Variants in LRP1B observed in about 807,000 individuals in gnomAD.
LRP1B encodes LDL receptor related protein 1B, also known as low-density lipoprotein receptor-related protein 1B.
LRP1B carries 217 observed loss-of-function variants against 556.6 expected under a neutral mutation model. The ratio of observed to expected loss-of-function variants is 0.39; its 90% CI spans 0.35 to 0.44. The LOEUF (loss-of-function observed/expected upper bound fraction) is 0.44, where lower values mean the gene tolerates loss of function less well. Ranked by LOEUF, LRP1B falls within the 20% of genes least tolerant of loss-of-function variation. The pLI is 1.00. For missense variants in LRP1B, 5,053 were observed against 5,620.8 expected, an observed-to-expected ratio of 0.90 and a Z score of 3.23; for synonymous variants, 2,047 against 1,865.8, an observed-to-expected ratio of 1.10 and a Z score of -2.50.
At position 141,339,215 on chromosome 2, in the gene LRP1B, T is replaced by A. The variant is rs1452411367; in HGVS notation, c.344-84574A>T. On this transcript the variant is annotated intron_variant, in intron 3 of 90. Coordinates refer to ENST00000389484, the MANE Select transcript of LRP1B (RefSeq NM_018557.3). ...TACTCTACATTTTATGTCTATAAAT[T>A]TTTTCCCTAATTAGATTATAAGTGA... 4.0e-5 allele frequency among the ~76,000 whole-genome samples: 6 copies of A among 151,642 alleles called. No homozygotes were observed. In the East Asian group the frequency reaches 9.6e-4, roughly 24 times the overall value.
chr2:141,382,322 T>C (rs1189984736), intron 3 of LRP1B, among the ~76,000 whole-genome samples: 1 of 152,210 alleles, frequency 6.6e-6, no homozygotes, highest in Non-Finnish European at 1.5e-5. Flanking sequence ...GACTCTGTGA[T>C]GGGCTTGCCA....
chr2:141,952,474 T>C (rs116825260), intron 1 of LRP1B, among the ~76,000 whole-genome samples: 1,837 of 152,212 alleles, frequency 0.012, 37 homozygotes, highest in African/African-American at 0.042. Flanking sequence ...TACTACAGTT[T>C]GTAGTGAAAC....
At chr2:141,731,039 A>C (rs573270654) in intron 2 of LRP1B, among the ~76,000 whole-genome samples, 1 of 152,146 alleles carries the variant, frequency 6.6e-6, no homozygotes, top group Non-Finnish European at 1.5e-5. Flanking sequence ...TGTGGGGAGA[A>C]ATGTGGTTGG....
chr2:141,662,510 A>G (rs1466282267), intron 2 of LRP1B, among the ~76,000 whole-genome samples: 2 of 152,202 alleles, frequency 1.3e-5, no homozygotes, highest in African/African-American at 4.8e-5. Flanking sequence ...TGGAAAGCAG[A>G]AAAAAGCACA....
At chr2:140,965,050 C>A (rs1363586592) in intron 18 of LRP1B, among the ~76,000 whole-genome samples, 1 of 152,136 alleles carries the variant, frequency 6.6e-6, no homozygotes, top group African/African-American at 2.4e-5. Context: ...CAATAACCAT[C>A]AGGATAAGGT....
chr2:140,829,036 G>A (rs1345901690), intron 31 of LRP1B, among the ~76,000 whole-genome samples: 1 of 151,708 alleles, frequency 6.6e-6, no homozygotes, highest in Non-Finnish European at 1.5e-5. Context: ...AGACAAAGAA[G>A]GTCAACATAT....
At chr2:140,517,249 A>T (rs1689946011) in intron 49 of LRP1B, among the ~76,000 whole-genome samples, 1 of 152,170 alleles carries the variant, frequency 6.6e-6, no homozygotes, top group African/African-American at 2.4e-5. Flanking sequence ...GAGTCCTAGA[A>T]CAGAAAGATT....
intron 7 of LRP1B, among the ~76,000 whole-genome samples, chr2:141,181,592 T>TCTTTCCCATCTTCTA (rs1680995879): frequency 6.6e-6 from 1 of 151,866 alleles, no homozygotes; most frequent in Non-Finnish European, 1.5e-5. Flanking sequence ...AGTAGAAATG[T>TCTTTCCCATCTTCTA]GGAACGTTTT....
chr2:140,970,712 ACCTTTTTTTTTTTTTTTTT>A (rs1383943414), intron 18 of LRP1B, among the ~76,000 whole-genome samples: 7,647 of 126,212 alleles, frequency 0.061, 1,073 homozygotes, highest in East Asian at 0.068. Context: ...TAATTTTTTA[ACCTTTTTTTTTTTTTTTTT>A]TTTTTTTTTT....
At chr2:140,528,146 G>A (rs114110242) in intron 47 of LRP1B, among the ~76,000 whole-genome samples, 1,738 of 151,984 alleles carry the variant, frequency 0.011, 13 homozygotes, top group Middle Eastern at 0.02. Context: ...CAAATGTAGG[G>A]AATGGCATTT....
chr2:140,627,664 C>T (rs1386002243), intron 41 of LRP1B, among the ~76,000 whole-genome samples: 5 of 152,178 alleles, frequency 3.3e-5, no homozygotes, highest in Non-Finnish European at 7.3e-5. Context: ...AAGTCCCTTT[C>T]ACATATACAG....
chr2:141,589,694 G>C (rs16846539), intron 2 of LRP1B, among the ~76,000 whole-genome samples: 11,842 of 152,204 alleles, frequency 0.078, 566 homozygotes, highest in South Asian at 0.19. Flanking sequence ...ATTTGATTGT[G>C]CCTCGAGTTT....
chr2:141,735,861 G>A (rs930636204), intron 2 of LRP1B, among the ~76,000 whole-genome samples: 11 of 152,090 alleles, frequency 7.2e-5, no homozygotes, highest in Non-Finnish European at 1.3e-4. Context: ...CTTAAACATA[G>A]GAGCTGTTTG....
At chr2:141,208,876 C>CAAAAAAAAAAAAAAAAA (rs57659094) in intron 6 of LRP1B, among the ~76,000 whole-genome samples, 1 of 65,462 alleles carries the variant, frequency 1.5e-5, no homozygotes, top group Non-Finnish European at 2.8e-5. Flanking sequence ...GATTCCGTCT[C>CAAAAAAAAAAAAAAAAA]AAAAAAAAAA....
intron 3 of LRP1B, among the ~76,000 whole-genome samples, chr2:141,400,249 C>T (rs12472235): frequency 9.9e-5 from 15 of 152,244 alleles, no homozygotes; most frequent in Admixed American, 7.8e-4. Flanking sequence ...AAAGTGCTGG[C>T]GTTACAGGCC....
intron 3 of LRP1B, among the ~76,000 whole-genome samples, chr2:141,288,238 C>A (rs1291846493): frequency 6.9e-5 from 10 of 145,588 alleles, no homozygotes; most frequent in East Asian, 2.0e-4. Flanking sequence ...GGAATAATAA[C>A]AAAAAAAAAA....
At chr2:141,817,812 T>A (rs887120403) in intron 1 of LRP1B, among the ~76,000 whole-genome samples, 3 of 152,124 alleles carry the variant, frequency 2.0e-5, no homozygotes, top group African/African-American at 7.2e-5. Context: ...AAATTGCCTA[T>A]TGAATGTATA....
intron 41 of LRP1B, among the ~76,000 whole-genome samples, chr2:140,613,637 T>G (rs1312372721): frequency 1.3e-5 from 2 of 151,264 alleles, no homozygotes; most frequent in African/African-American, 4.9e-5. Flanking sequence ...CGTTTAAAAA[T>G]TAAAGACTCT....
chr2:141,414,371 A>ACGAG (rs1224485359), intron 3 of LRP1B, among the ~76,000 whole-genome samples: 1 of 44,860 alleles, frequency 2.2e-5, no homozygotes, highest in African/African-American at 5.3e-5. Flanking sequence ...AAGAGCGGAA[A>ACGAG]GGAGGGAGGG....
Sources: allele counts gnomAD v4.1 joint callset (sites outside exome capture counted in the v4.1 genomes callset), GRCh38; gene constraint gnomAD v4.1.1; transcripts MANE v1.5; gene names NCBI Gene and HGNC (gene_info 2026-07-23, HGNC 2026-07-21).